The following SCHIP1 variants were observed in gnomAD, a reference collection of about 807,000 sequenced individuals.
The protein encoded by SCHIP1 is schwannomin-interacting protein 1.
In SCHIP1, 8 loss-of-function variants were observed where a neutral mutation model predicts 29.7. The observed-to-expected ratio is 0.27, with a 90% CI of 0.16 to 0.49. The LOEUF is 0.49. Among genes scored for constraint, SCHIP1 ranks in the 20% least tolerant of loss-of-function variants. The pLI is 0.99. For missense variants in SCHIP1, 193 were observed against 294.6 expected, an observed-to-expected ratio of 0.66 and a Z score of 2.52; for synonymous variants, 76 against 94.9, an observed-to-expected ratio of 0.80 and a Z score of 1.16.
chr3:159,456,143 G>A, the SCHIP1 span, among the ~76,000 whole-genome samples: 5 of 152,162 alleles, frequency 3.3e-5, no homozygotes, highest in African/African-American at 4.8e-5. Context: ...TCCCTGAGCC[G>A]CTCTGTCATC....
the SCHIP1 span, among the ~76,000 whole-genome samples, chr3:159,437,433 C>T: frequency 1.2e-4 from 19 of 152,070 alleles, no homozygotes; most frequent in African/African-American, 2.4e-4. Flanking sequence ...TAATGTCCTA[C>T]GGCTGCCTCA....
chr3:159,276,163 G>T, the SCHIP1 span, among the ~76,000 whole-genome samples: 2 of 152,150 alleles, frequency 1.3e-5, no homozygotes, highest in African/African-American at 4.8e-5. Context: ...TACATCCAAG[G>T]TATTCAGTCT....
the SCHIP1 span, among the ~76,000 whole-genome samples, chr3:159,434,167 C>T: frequency 6.6e-6 from 1 of 152,176 alleles, no homozygotes. Flanking sequence ...TCATTAGGCA[C>T]CTACGATGTG....
At chr3:159,777,247 T>TCCAAAGAGGCTAAATGTCTTA in the SCHIP1 span, among the ~76,000 whole-genome samples, 2 of 152,176 alleles carry the variant, frequency 1.3e-5, no homozygotes, top group East Asian at 1.9e-4. Flanking sequence ...AAAACTGAGA[T>TCCAAAGAGGCTAAATGTCTTA]CCAAAGAGGC....
At chr3:159,313,801 T>C in the SCHIP1 span, among the ~76,000 whole-genome samples, 3 of 152,290 alleles carry the variant, frequency 2.0e-5, no homozygotes, top group East Asian at 1.9e-4. Flanking sequence ...TCCTCTAATC[T>C]GCAACTGGTC....
chr3:159,662,796 C>G, the SCHIP1 span, among the ~76,000 whole-genome samples: 1 of 152,218 alleles, frequency 6.6e-6, no homozygotes, highest in Non-Finnish European at 1.5e-5. Context: ...ATGAGTTCAG[C>G]TCCACTTTAG....
the SCHIP1 span, among the ~76,000 whole-genome samples, chr3:159,599,683 T>C: frequency 2.6e-5 from 4 of 152,236 alleles, no homozygotes; most frequent in South Asian, 4.1e-4. Context: ...ATTTTTGCAG[T>C]GCAAATTGTG....
At chr3:159,786,148 C>G in the SCHIP1 span, among the ~76,000 whole-genome samples, 1 of 152,066 alleles carries the variant, frequency 6.6e-6, no homozygotes, top group African/African-American at 2.4e-5. Context: ...CAGGAAATAC[C>G]TGGAAGACTT....
At chr3:159,656,589 CAAGT>C in the SCHIP1 span, among the ~76,000 whole-genome samples, 10,827 of 152,116 alleles carry the variant, frequency 0.071, 1,185 homozygotes, top group African/African-American at 0.24. Context: ...TGGCTTTGGG[CAAGT>C]TATTCATCTA....
At chr3:159,388,527 C>A in the SCHIP1 span, among the ~76,000 whole-genome samples, 2 of 152,024 alleles carry the variant, frequency 1.3e-5, no homozygotes, top group Non-Finnish European at 2.9e-5. Context: ...ATGTAAGCCA[C>A]TCAAAATTCC....
At position 159,888,960 on chromosome 3, in the gene SCHIP1, C is replaced by T; in HGVS notation, c.589+17C>T. The T allele has an allele frequency of 6.2e-7, 1 of 1,611,648 alleles. No individual in the cohort carries two copies. Among genetic ancestry groups the T allele is most frequent in the Non-Finnish European group, 8.5e-7 (1 of 1,179,026 alleles). On this transcript the variant is annotated intron_variant, in intron 5 of 6. Transcript: ENST00000445224. ...AGATAGAAAGTAAGTGTAAGATATG[C>T]TTGAAAATAGGATATTCAATGTAAA...
At chr3:159,431,864 A>G in the SCHIP1 span, among the ~76,000 whole-genome samples, 1 of 151,704 alleles carries the variant, frequency 6.6e-6, no homozygotes, top group Non-Finnish European at 1.5e-5. Context: ...CATTCATGGT[A>G]TTTTATTATG....
At chr3:159,685,942 G>T in the SCHIP1 span, among the ~76,000 whole-genome samples, 2 of 152,216 alleles carry the variant, frequency 1.3e-5, no homozygotes, top group African/African-American at 4.8e-5. Flanking sequence ...GCACAGAAAA[G>T]TAGGCCAACC....
chr3:159,442,612 G>A, the SCHIP1 span, among the ~76,000 whole-genome samples: 23 of 152,152 alleles, frequency 1.5e-4, no homozygotes, highest in African/African-American at 3.4e-4. Flanking sequence ...TAAAAAATTC[G>A]TCTTTAGAAA....
the SCHIP1 span, among the ~76,000 whole-genome samples, chr3:159,608,291 T>C: frequency 7.2e-5 from 11 of 152,212 alleles, no homozygotes; most frequent in Non-Finnish European, 1.3e-4. Flanking sequence ...ATACTGATAC[T>C]CCACATTTTA....
chr3:159,494,944 G>T, the SCHIP1 span, among the ~76,000 whole-genome samples: 1 of 152,202 alleles, frequency 6.6e-6, no homozygotes, highest in Non-Finnish European at 1.5e-5. Flanking sequence ...ATGCAAGGCT[G>T]GTTCAACATA....
At chr3:159,290,299 C>G in the SCHIP1 span, among the ~76,000 whole-genome samples, 1 of 152,062 alleles carries the variant, frequency 6.6e-6, no homozygotes, top group Non-Finnish European at 1.5e-5. Flanking sequence ...CATGTAAGAA[C>G]AGCAGGAAGG....
the SCHIP1 span, among the ~76,000 whole-genome samples, chr3:159,487,632 C>T: frequency 1.3e-5 from 2 of 152,116 alleles, no homozygotes; most frequent in Non-Finnish European, 2.9e-5. Flanking sequence ...ATAAATCAAA[C>T]ACATAAAACT....
chr3:159,606,214 A>G, the SCHIP1 span, among the ~76,000 whole-genome samples: 1 of 152,174 alleles, frequency 6.6e-6, no homozygotes, highest in Admixed American at 6.5e-5. Flanking sequence ...CACAGCACTC[A>G]CTGGTAGCTT....
Sources: allele counts gnomAD v4.1 joint callset (sites outside exome capture counted in the v4.1 genomes callset), GRCh38; gene constraint gnomAD v4.1.1; transcripts MANE v1.5; gene names NCBI Gene and HGNC (gene_info 2026-07-23, HGNC 2026-07-21).